The following KCND3 variants were observed in gnomAD, a reference collection of about 807,000 sequenced individuals.
KCND3 encodes potassium voltage-gated channel subfamily D member 3, also known as A-type voltage-gated potassium channel KCND3.
In KCND3, 9 loss-of-function variants were observed where a neutral mutation model predicts 51.1. The ratio of observed to expected loss-of-function variants is 0.18; its 90% confidence interval spans 0.11 to 0.31. The LOEUF is 0.31. Ranked by LOEUF, KCND3 falls within the 10% of genes least tolerant of loss-of-function variation. The pLI is 1.00. For missense variants in KCND3, 526 were observed against 903.8 expected, an observed-to-expected ratio of 0.58 and a Z score of 5.36; for synonymous variants, 349 against 368.0, an observed-to-expected ratio of 0.95 and a Z score of 0.59.
Position 111,981,269 on chromosome 1 carries a change from C to T in KCND3, c.1106+352G>A, listed in dbSNP as rs1164508512. Among the ~76,000 whole-genome samples, 1 of 152,158 alleles carries T rather than the reference C, an allele frequency of 6.6e-6. No individual in the cohort carries two copies. Among genetic ancestry groups the T allele is most frequent in the Admixed American group, 6.5e-5 (1 of 15,284 alleles). ...TCCCCAACAACTGCCCTGACCTTCT[C>T]CCCACGCTGCCCCATATGCGCAAAT... On this transcript the variant is annotated intron_variant, in intron 2 of 7. Transcript: ENST00000302127. The surrounding 1 kb of genome is among the most constrained non-coding windows in gnomAD (Gnocchi z 6.2).
intron 3 of KCND3, among the ~76,000 whole-genome samples, chr1:111,784,272 T>C (rs554202808): frequency 6.6e-6 from 1 of 152,284 alleles, no homozygotes; most frequent in Non-Finnish European, 1.5e-5. Context: ...TAGACAAACT[T>C]TACAAGAGAT....
intron 2 of KCND3, among the ~76,000 whole-genome samples, chr1:111,840,025 G>C (rs1388629337): frequency 1.3e-5 from 2 of 152,170 alleles, no homozygotes; most frequent in African/African-American, 4.8e-5. Flanking sequence ...CAAGTTTAAG[G>C]TGCCAGCAGA....
intron 2 of KCND3, among the ~76,000 whole-genome samples, chr1:111,827,917 G>C (rs1421002986): frequency 6.6e-6 from 1 of 152,162 alleles, no homozygotes; most frequent in African/African-American, 2.4e-5. Flanking sequence ...CCCTGGGATA[G>C]AGAATAAGAG....
At chr1:111,972,266 G>A (rs1033277064) in intron 2 of KCND3, among the ~76,000 whole-genome samples, 4 of 148,562 alleles carry the variant, frequency 2.7e-5, no homozygotes, top group South Asian at 2.1e-4. Flanking sequence ...TCCGCCTCCC[G>A]GGTTCACGCC....
chr1:111,915,248 T>C (rs908937096), intron 2 of KCND3, among the ~76,000 whole-genome samples: 1 of 152,062 alleles, frequency 6.6e-6, no homozygotes, highest in African/African-American at 2.4e-5. Context: ...AGCAAGATAG[T>C]AGACTTAAAC....
intron 2 of KCND3, among the ~76,000 whole-genome samples, chr1:111,828,866 G>A (rs2101615117): frequency 6.6e-6 from 1 of 152,294 alleles, no homozygotes; most frequent in Non-Finnish European, 1.5e-5. Flanking sequence ...GCCCACTGTG[G>A]TCTTGCTTAT....
At chr1:111,835,014 G>A (rs1667007407) in intron 2 of KCND3, among the ~76,000 whole-genome samples, 1 of 152,230 alleles carries the variant, frequency 6.6e-6, no homozygotes. Flanking sequence ...CCTGGGGCTT[G>A]GAGGGTGCTC....
intron 2 of KCND3, among the ~76,000 whole-genome samples, chr1:111,832,015 T>G (rs950704566): frequency 1.3e-5 from 2 of 152,114 alleles, no homozygotes; most frequent in African/African-American, 4.8e-5. Context: ...GGATCCTCAA[T>G]GGGGGGAATA....
chr1:111,801,583 T>C (rs1445280376), intron 2 of KCND3, among the ~76,000 whole-genome samples: 2 of 152,184 alleles, frequency 1.3e-5, no homozygotes, highest in Non-Finnish European at 2.9e-5. Context: ...AGAGGAGTCT[T>C]AGCCCCAGGC....
At chr1:111,958,810 C>T (rs1316606891) in intron 2 of KCND3, among the ~76,000 whole-genome samples, 2 of 152,182 alleles carry the variant, frequency 1.3e-5, no homozygotes, top group African/African-American at 4.8e-5. Context: ...GGAGGGTTTT[C>T]ATTGCCTTCT....
chr1:111,807,577 G>A (rs1665633510), intron 2 of KCND3, among the ~76,000 whole-genome samples: 1 of 152,198 alleles, frequency 6.6e-6, no homozygotes, highest in African/African-American at 2.4e-5. Flanking sequence ...TTGGGAGCCT[G>A]AGGCAGGAGA....
chr1:111,913,664 C>A (rs1671066151), intron 2 of KCND3, among the ~76,000 whole-genome samples: 1 of 152,144 alleles, frequency 6.6e-6, no homozygotes, highest in South Asian at 2.1e-4. Flanking sequence ...GTAATCCCAG[C>A]ACTTTGGCTG....
Position 111,780,588 on chromosome 1 carries a change from G to T in KCND3, c.1371+102C>A. ...AGTTTGGAAACGTGTCCTCCTTGGG[G>T]TTCATACTGGGGCTCTGGTGAGAGT... On this transcript the variant is annotated intron_variant, in intron 4 of 7. Coordinates refer to ENST00000302127, the MANE Select transcript of KCND3 (RefSeq NM_001378969.1). The surrounding 1 kb of genome is among the most constrained non-coding windows in gnomAD (Gnocchi z 4.2). 9.4e-7 allele frequency: 1 copy of T among 1,061,512 alleles called. No homozygotes were observed. 65.8% of individuals were successfully genotyped at this position (1,061,512 alleles called of 1,614,324 possible).
At chr1:111,881,954 C>T (rs113126286) in intron 2 of KCND3, among the ~76,000 whole-genome samples, 3 of 152,206 alleles carry the variant, frequency 2.0e-5, no homozygotes, top group African/African-American at 4.8e-5. Context: ...CTGAGGGGGC[C>T]CCTGTTAATG....
intron 2 of KCND3, among the ~76,000 whole-genome samples, chr1:111,958,732 C>A (rs1398361701): frequency 1.3e-5 from 2 of 152,212 alleles, no homozygotes; most frequent in African/African-American, 4.8e-5. Flanking sequence ...TCTGTCCTGG[C>A]AGACAACACT....
intron 2 of KCND3, among the ~76,000 whole-genome samples, chr1:111,977,342 G>A (rs370049258): frequency 1.3e-5 from 2 of 152,240 alleles, no homozygotes; most frequent in Non-Finnish European, 2.9e-5. Context: ...CCCAGGCTTA[G>A]TCTCCTCGCC....
chr1:111,960,045 A>G (rs922599240), intron 2 of KCND3, among the ~76,000 whole-genome samples: 40 of 151,714 alleles, frequency 2.6e-4, no homozygotes, highest in Admixed American at 1.7e-3. Context: ...AAAAAAAGAA[A>G]AAAAAAAAAG....
chr1:111,923,258 A>C (rs2101842247), intron 2 of KCND3, among the ~76,000 whole-genome samples: 1 of 152,320 alleles, frequency 6.6e-6, no homozygotes, highest in African/African-American at 2.4e-5. Flanking sequence ...TATGGGTTGC[A>C]TCCTAGGTAC....
intron 2 of KCND3, among the ~76,000 whole-genome samples, chr1:111,820,257 G>T (rs2365670): frequency 0.51 from 77,043 of 152,052 alleles, 22,125 homozygotes; most frequent in Non-Finnish European, 0.63. Context: ...CCCCCTGCTG[G>T]TTCTACCTGT....
Sources: gnomAD v4.1 joint callset for allele counts (sites outside exome capture counted in the v4.1 genomes callset) on GRCh38, gnomAD v4.1.1 for gene constraint, Gnocchi (gnomAD v3.1) non-coding constraint, MANE v1.5 for transcripts, NCBI Gene and HGNC (gene_info 2026-07-23, HGNC 2026-07-21) for gene names.